ADAP2: variants seen among roughly 807,000 people sequenced by gnomAD.
ADAP2 encodes ArfGAP with dual PH domains 2, also known as arf-GAP with dual PH domain-containing protein 2.
A neutral mutation model predicts 54.9 loss-of-function variants in ADAP2; 42 were observed. The observed-to-expected ratio is 0.77, with a 90% CI of 0.60 to 0.99. ADAP2 has a LOEUF of 0.99. Ranked by LOEUF, ADAP2 falls within the 50% of genes least tolerant of loss-of-function variation. The pLI is 0.00. For synonymous variants in ADAP2, 177 were observed against 180.1 expected (o/e 0.98, Z 0.14); for missense variants, 429 against 480.4 (o/e 0.89, Z 1.00).
intron 5 of ADAP2, among the ~76,000 whole-genome samples, chr17:30,935,961 G>A (rs570892581): frequency 2.1e-4 from 32 of 152,234 alleles, no homozygotes; most frequent in Middle Eastern, 3.4e-3. Flanking sequence ...TTAAAAGTAT[G>A]CAGTCAATTG....
Position 30,953,341 on chromosome 17 carries a change from T to G in ADAP2, c.795T>G (p.Thr265=), listed in dbSNP as rs1330740324. The G allele has an allele frequency of 6.2e-7, 1 of 1,613,884 alleles. No individual in the cohort carries two copies. The highest frequency in any genetic ancestry group is 2.2e-5 in the East Asian group (1 of 44,880). Residue 265 remains threonine, a synonymous_variant, in exon 8 of 11, where the codon ACT becomes ACG. Transcript: ENST00000330889. Reference sequence around the variant, plus strand: ...TCAAACAAGGCTTCATGGAAAAGACTGGGCCAAAGGTACCTTCTATCACTC... The same window carrying G: ...TCAAACAAGGCTTCATGGAAAAGACGGGGCCAAAGGTACCTTCTATCACTC... ...NYLKQGFMEK[T]GPKQKEPFKK...
At chr17:30,925,530 T>C (rs922860511) in intron 2 of ADAP2, among the ~76,000 whole-genome samples, 5 of 150,190 alleles carry the variant, frequency 3.3e-5, no homozygotes, top group Admixed American at 6.7e-5. Context: ...CCTCCTCCTC[T>C]TCTTCTTCTT....
intron 2 of ADAP2, among the ~76,000 whole-genome samples, chr17:30,925,561 CT>C (rs1168126442): frequency 6.7e-6 from 1 of 150,282 alleles, no homozygotes; most frequent in African/African-American, 2.5e-5. Context: ...TCTTCTTCTT[CT>C]TCTTCTCTTT....
Position 30,921,983 on chromosome 17 carries a change from G to A in ADAP2, c.-32G>A, listed in dbSNP as rs1055264062. 1.7e-4 allele frequency: 214 copies of A among 1,253,200 alleles called. 1 individual carries two copies. In the East Asian group the frequency reaches 7.0e-3, roughly 41 times the overall value. The allele number at this position is 1,253,200 out of a possible 1,614,324, so 77.6% of individuals were successfully genotyped here. The stretch of plus-strand genomic sequence containing the variant: ...TGCCGGGCGGAGCGCACGGGCCATG[G>A]GCTGAGCCCCGCTGAGCCCGCCGGG... On this transcript the variant is annotated 5_prime_UTR_variant, in exon 1 of 11. Transcript: ENST00000330889.
chr17:30,936,498 G>T (rs1188900400), intron 5 of ADAP2, among the ~76,000 whole-genome samples: 1 of 152,118 alleles, frequency 6.6e-6, no homozygotes, highest in African/African-American at 2.4e-5. Context: ...GTCTTCATGG[G>T]TATGAAGTCG....
chr17:30,936,935 A>G lies in ADAP2; in HGVS notation c.510+2638A>G, dbSNP rs546332326. 3.3e-5 allele frequency among the ~76,000 whole-genome samples: 5 copies of G among 152,116 alleles called. No homozygotes were observed. In the East Asian group the frequency reaches 9.7e-4, roughly 29 times the overall value. ...ATTATTTGACTTAAGTTTTTGATTG[A>G]TTGATTGATTTGAGATGGAGGCTCA... On this transcript the variant is annotated intron_variant, in intron 5 of 10. Coordinates refer to ENST00000330889, the MANE Select transcript of ADAP2 (RefSeq NM_018404.3).
intron 2 of ADAP2, among the ~76,000 whole-genome samples, chr17:30,924,402 G>A (rs1223393223): frequency 6.6e-6 from 1 of 151,896 alleles, no homozygotes; most frequent in Non-Finnish European, 1.5e-5. Flanking sequence ...GTTATCATTA[G>A]TGAAGTCTTG....
chr17:30,952,796 T>G (rs1904770996), intron 7 of ADAP2, among the ~76,000 whole-genome samples: 2 of 152,086 alleles, frequency 1.3e-5, no homozygotes, highest in Non-Finnish European at 1.5e-5. Flanking sequence ...AGGAGTACAG[T>G]CTAGTGTCAT....
chr17:30,937,904 A>C (rs927995682), intron 5 of ADAP2, among the ~76,000 whole-genome samples: 3 of 152,186 alleles, frequency 2.0e-5, no homozygotes, highest in African/African-American at 7.2e-5. Flanking sequence ...AGACATGGGG[A>C]AAGAAGTTGG....
intron 8 of ADAP2, among the ~76,000 whole-genome samples, 189 bp downstream of exon 8, chr17:30,953,539 T>C (rs1904836937): frequency 6.6e-6 from 1 of 152,146 alleles, no homozygotes; most frequent in South Asian, 2.1e-4. Flanking sequence ...ATAAACTTTC[T>C]TTTTTAAATT....
rs1435343844 is a variant in ADAP2, at chr17:30,922,042, C to A, written c.28C>A (p.Arg10=). 1.6e-6 allele frequency: 2 copies of A among 1,276,136 alleles called. No homozygotes were observed. Among genetic ancestry groups the A allele is most frequent in the Non-Finnish European group, 9.8e-7 (1 of 1,016,040 alleles). The allele number at this position is 1,276,136 out of a possible 1,614,324, so 79.1% of individuals were successfully genotyped here. A position where few individuals can be genotyped will look rare whatever the true frequency, so the allele number is the denominator to read the frequency against. MGDRERNKK[R]LLELLRAPDT... ...GGGCGATCGCGAGCGCAACAAGAAG[C>A]GGCTGCTGGAGCTGCTGCGGGCGCC... The change falls in exon 1 of 11, where the codon CGG becomes AGG. Residue 10 remains arginine (R), a synonymous_variant. Transcript: ENST00000330889.
chr17:30,937,135 A>G (rs559173177), intron 5 of ADAP2, among the ~76,000 whole-genome samples: 144 of 151,834 alleles, frequency 9.5e-4, no homozygotes, highest in African/African-American at 2.8e-3. Context: ...CATCTTGGCC[A>G]GGCTGGTCTT....
At chr17:30,934,081 G>A in intron 4 of ADAP2, 104 bp from the exon 5 acceptor site, 1 of 758,030 alleles carries the variant, frequency 1.3e-6, no homozygotes, top group Non-Finnish European at 2.2e-6. Flanking sequence ...TACTTTGGCA[G>A]CAGATGGAAG....
At chr17:30,946,940 C>T (rs1912724550) in intron 6 of ADAP2, among the ~76,000 whole-genome samples, 1 of 152,184 alleles carries the variant, frequency 6.6e-6, no homozygotes, top group Non-Finnish European at 1.5e-5. Context: ...ATGCCAATCA[C>T]TGCCATAAGG....
intron 7 of ADAP2, among the ~76,000 whole-genome samples, chr17:30,951,820 T>C (rs1904669936): frequency 1.3e-5 from 2 of 151,818 alleles, no homozygotes; most frequent in African/African-American, 4.8e-5. Flanking sequence ...TGCACCCGGC[T>C]ACTTTTTTGT....
rs183502388 is a variant in ADAP2, at chr17:30,935,731, C to T, written c.510+1434C>T. Among the ~76,000 whole-genome samples, 371 of 152,234 alleles carry T rather than the reference C, an allele frequency of 2.4e-3. 1 individual carries two copies. The highest frequency in any genetic ancestry group is 7.8e-3 in the African/African-American group (325 of 41,542). ...AGGAGCTTTTTATGCAGTGCACAAA[C>T]GACTTAACCATAAGCTGCAACCCTG... is the stretch of plus-strand genomic sequence containing the variant. On this transcript the variant is annotated intron_variant, in intron 5 of 10. Coordinates refer to ENST00000330889, the MANE Select transcript of ADAP2 (RefSeq NM_018404.3).
intron 1 of ADAP2, 106 bp from the exon 2 acceptor site, chr17:30,922,834 C>T (rs1910737618): frequency 1.5e-6 from 2 of 1,340,942 alleles, no homozygotes; most frequent in Non-Finnish European, 2.1e-6. Flanking sequence ...CTTAGTTCGC[C>T]TTAGGTGGGA....
In ADAP2 at chr17:30,957,470, C is replaced by T. The variant is rs137935696; in HGVS notation, c.1112-365C>T. On this transcript the variant is annotated intron_variant, in intron 10 of 10. Coordinates refer to ENST00000330889, the MANE Select transcript of ADAP2 (RefSeq NM_018404.3). ...TGAGGTGGGGTCTTGCACTGTCACC[C>T]AGGCTGGAGTGCAGTGGTGCGATCT... is the stretch of plus-strand genomic sequence containing the variant. 5.0e-4 allele frequency among the ~76,000 whole-genome samples: 76 copies of T among 151,648 alleles called. 1 individual carries two copies. Among genetic ancestry groups the T allele is most frequent in the African/African-American group, 1.7e-3 (71 of 41,332 alleles).
intron 10 of ADAP2, 130 bp downstream of exon 10, chr17:30,956,599 C>A: frequency 3.4e-6 from 3 of 876,256 alleles, no homozygotes; most frequent in Non-Finnish European, 5.3e-6. Context: ...TCATTGTCTT[C>A]TCTTCCTGCA....
Sources: allele counts gnomAD v4.1 joint callset (sites outside exome capture counted in the v4.1 genomes callset), GRCh38; gene constraint gnomAD v4.1.1; transcripts MANE v1.5; gene names NCBI Gene and HGNC (gene_info 2026-07-23, HGNC 2026-07-21).